PCCA: variants seen among roughly 807,000 people sequenced by gnomAD.
The protein encoded by PCCA is propionyl-CoA carboxylase alpha chain, mitochondrial.
PCCA carries 74 observed loss-of-function variants against 101.3 expected under a neutral mutation model. The observed-to-expected ratio is 0.73, with a 90% CI of 0.61 to 0.89. The LOEUF is 0.89. Among genes scored for constraint, PCCA ranks in the 40% least tolerant of loss-of-function variants. The pLI is 0.00. For synonymous variants in PCCA, 294 were observed against 313.6 expected, an observed-to-expected ratio of 0.94 and a Z score of 0.66; for missense variants, 891 against 907.0, an observed-to-expected ratio of 0.98 and a Z score of 0.23.
intron 19 of PCCA, among the ~76,000 whole-genome samples, chr13:100,404,545 A>C (rs781258680): frequency 1.3e-5 from 2 of 152,134 alleles, no homozygotes; most frequent in African/African-American, 4.8e-5. Flanking sequence ...ATGAATGGCT[A>C]CCTATCTAGA....
intron 16 of PCCA, among the ~76,000 whole-genome samples, chr13:100,311,339 T>C (rs1188772214): frequency 6.6e-6 from 1 of 152,216 alleles, no homozygotes; most frequent in Non-Finnish European, 1.5e-5. Flanking sequence ...AGTGATAGTC[T>C]CTGCCTTATA....
chr13:100,351,718 A>G (rs1206157666), intron 18 of PCCA, among the ~76,000 whole-genome samples: 2 of 152,314 alleles, frequency 1.3e-5, no homozygotes, highest in African/African-American at 4.8e-5. Flanking sequence ...CCTTAAAATA[A>G]GTAATTTAAT....
At chr13:100,410,449 G>T (rs2077973263) in intron 19 of PCCA, among the ~76,000 whole-genome samples, 1 of 151,846 alleles carries the variant, frequency 6.6e-6, no homozygotes, top group Non-Finnish European at 1.5e-5. Flanking sequence ...CACTGTGTTG[G>T]CCAGGATAGT....
At chr13:100,148,564 T>TC (rs1240702450) in intron 4 of PCCA, among the ~76,000 whole-genome samples, 1 of 152,132 alleles carries the variant, frequency 6.6e-6, no homozygotes, top group African/African-American at 2.4e-5. Context: ...CCTCCCCTTC[T>TC]CCCTTGATGC....
At chr13:100,476,557 A>T (rs2083434520) in intron 21 of PCCA, among the ~76,000 whole-genome samples, 1 of 152,188 alleles carries the variant, frequency 6.6e-6, no homozygotes, top group African/African-American at 2.4e-5. Flanking sequence ...CCCCACCCTT[A>T]GTTTGCATAC....
chr13:100,155,018 C>A lies in PCCA; in HGVS notation c.340C>A (p.Pro114Thr), dbSNP rs1306789786. ...GGCGGATGAGGCTGTCTGTGTTGGC[C>A]CAGCTCCCACCAGTAAAAGCTACCT... ...KMADEAVCVGPAPTSKSYLNM... is the reference protein window; with the variant it reads ...KMADEAVCVGTAPTSKSYLNM... Residue 114 changes from proline to threonine, a missense_variant, in exon 5 of 24, where the codon CCA becomes ACA. Physicochemically the swap from Pro to Thr is conservative, Grantham distance 38. Coordinates refer to ENST00000376285, the MANE Select transcript of PCCA (RefSeq NM_000282.4). 9.9e-6 allele frequency: 16 copies of A among 1,613,978 alleles called. No individual in the cohort carries two copies. Among genetic ancestry groups the A allele is most frequent in the Middle Eastern group, 3.3e-4 (2 of 6,060 alleles).
At chr13:100,423,877 A>G (rs941168315) in intron 19 of PCCA, among the ~76,000 whole-genome samples, 11 of 152,238 alleles carry the variant, frequency 7.2e-5, no homozygotes, top group Non-Finnish European at 1.2e-4. Flanking sequence ...ACGTAGACTC[A>G]CACGCAGTCT....
chr13:100,349,760 T>G (rs984142456), intron 18 of PCCA, among the ~76,000 whole-genome samples: 47 of 106,572 alleles, frequency 4.4e-4, no homozygotes, highest in African/African-American at 1.6e-3. Flanking sequence ...GTGCTCAGGC[T>G]TAGGAGAACA....
intron 13 of PCCA, 72 bp downstream of exon 13, chr13:100,301,675 A>AT (rs2066071606): frequency 6.5e-7 from 1 of 1,532,768 alleles, no homozygotes; most frequent in African/African-American, 1.4e-5. Flanking sequence ...TAGCCAAACA[A>AT]TGAGGTAAAG....
At chr13:100,507,085 C>A (rs1216483427) in intron 21 of PCCA, among the ~76,000 whole-genome samples, 2 of 152,082 alleles carry the variant, frequency 1.3e-5, no homozygotes, top group African/African-American at 4.8e-5. Flanking sequence ...GAGTACATGG[C>A]TTTCAAAGAT....
chr13:100,307,164 CT>C, intron 14 of PCCA, 27 bp from the exon 15 acceptor site: 1 of 1,545,382 alleles, frequency 6.5e-7, no homozygotes, highest in East Asian at 2.2e-5. Flanking sequence ...ATATGAATTA[CT>C]TTTCTTTTTT....
chr13:100,231,724 T>C (rs1320729853), intron 7 of PCCA, among the ~76,000 whole-genome samples: 3 of 152,154 alleles, frequency 2.0e-5, no homozygotes, highest in African/African-American at 7.2e-5. Context: ...AATCCTACCT[T>C]TTACATTTAT....
intron 21 of PCCA, among the ~76,000 whole-genome samples, chr13:100,505,299 C>T (rs1441630432): frequency 6.6e-6 from 1 of 152,178 alleles, no homozygotes; most frequent in Non-Finnish European, 1.5e-5. Flanking sequence ...CAGATATGCT[C>T]GATAAATGGT....
chr13:100,121,380 G>T (rs1014920545), intron 4 of PCCA, among the ~76,000 whole-genome samples: 2 of 151,004 alleles, frequency 1.3e-5, no homozygotes, highest in African/African-American at 4.9e-5. Flanking sequence ...GGCTGGTCTC[G>T]AACTCCTGAC....
At chr13:100,417,986 C>T (rs565043306) in intron 19 of PCCA, among the ~76,000 whole-genome samples, 7 of 152,126 alleles carry the variant, frequency 4.6e-5, no homozygotes, top group Non-Finnish European at 1.0e-4. Context: ...CTTCAGCTCC[C>T]CTTCCCTGTA....
intron 11 of PCCA, among the ~76,000 whole-genome samples, chr13:100,270,511 A>G (rs996656832): frequency 6.6e-6 from 1 of 152,204 alleles, no homozygotes; most frequent in Non-Finnish European, 1.5e-5. Context: ...CTTGAATCAT[A>G]AAATGTGTTT....
At chr13:100,363,284 C>T (rs1266784955) in intron 18 of PCCA, among the ~76,000 whole-genome samples, 2 of 152,022 alleles carry the variant, frequency 1.3e-5, no homozygotes, top group African/African-American at 2.4e-5. Context: ...TATACTAGAT[C>T]TAAAGTTTCA....
At chr13:100,292,897 G>C (rs2065236717) in intron 12 of PCCA, among the ~76,000 whole-genome samples, 1 of 150,958 alleles carries the variant, frequency 6.6e-6, no homozygotes, top group South Asian at 2.1e-4. Flanking sequence ...TTTGTGTTAA[G>C]ATTAATATTA....
intron 1 of PCCA, among the ~76,000 whole-genome samples, chr13:100,101,610 A>G (rs2047285666): frequency 6.6e-6 from 1 of 152,156 alleles, no homozygotes; most frequent in African/African-American, 2.4e-5. Flanking sequence ...ATAATTAATT[A>G]ATTTTTTCTG....
Sources: allele counts gnomAD v4.1 joint callset (sites outside exome capture counted in the v4.1 genomes callset), GRCh38; gene constraint gnomAD v4.1.1; transcripts MANE v1.5; gene names NCBI Gene and HGNC (gene_info 2026-07-23, HGNC 2026-07-21).